The following RET variants were observed in gnomAD, a reference collection of about 807,000 sequenced individuals.
The protein encoded by RET is ret proto-oncogene, also known as proto-oncogene tyrosine-protein kinase receptor Ret.
Under a neutral mutation model 118.3 loss-of-function variants are expected in RET, and 19 were observed. That is an observed-to-expected ratio of 0.16 (90% confidence interval 0.11 to 0.24). The LOEUF is 0.24. Among genes scored for constraint, RET ranks in the 10% least tolerant of loss-of-function variants. The pLI, the probability that RET is intolerant of heterozygous loss-of-function variation, is 1.00. For missense variants in RET, 1,219 were observed against 1,502.1 expected (o/e 0.81, Z 3.12); for synonymous variants, 597 against 644.1 (o/e 0.93, Z 1.11).
intron 1 of RET, among the ~76,000 whole-genome samples, chr10:43,083,504 C>T (rs72781219): frequency 1.3e-5 from 2 of 152,344 alleles, no homozygotes; most frequent in Non-Finnish European, 2.9e-5. Flanking sequence ...CACAGAGCTT[C>T]AAGAAGCCTG....
rs2742241 is a variant in RET at position 43,129,775 on chromosome 10, G to A, written c.*1506G>A. ...TTGGATGCGTGTGTAATAGAGCCTT[G>A]TGGTGTGTGCGCACACACCCAGAGG... On this transcript the variant is annotated 3_prime_UTR_variant, in exon 20 of 20. Coordinates refer to ENST00000355710, the MANE Select transcript of RET (RefSeq NM_020975.6). 0.8 allele frequency: 311,976 copies of A among 391,438 alleles called. 126,329 individuals carry two copies. The highest frequency in any genetic ancestry group is 0.9 in the African/African-American group (43,707 of 48,590). The allele number at this position is 391,438 out of a possible 1,614,324, so 24.2% of individuals were successfully genotyped here.
intron 1 of RET, among the ~76,000 whole-genome samples, chr10:43,088,034 T>G (rs1021791318): frequency 6.6e-6 from 1 of 151,172 alleles, no homozygotes; most frequent in African/African-American, 2.4e-5. Flanking sequence ...TGATAGTGAG[T>G]GGTGGTTGTG....
chr10:43,105,983 G>A lies in RET; in HGVS notation c.868-393G>A, dbSNP rs549687718. The stretch of plus-strand genomic sequence containing the variant: ...CCTGGCCTCGGAGCTCGGCTCTGCC[G>A]GCTGTTCCTGTGTGACCTTGACCTG... On this transcript the variant is annotated intron_variant, in intron 4 of 19. Transcript: ENST00000355710. Among the ~76,000 whole-genome samples the A allele has an allele frequency of 6.6e-5, 10 of 152,288 alleles. No individual in the cohort carries two copies. In the South Asian group the frequency reaches 2.1e-3, roughly 32 times the overall value.
chr10:43,103,665 T>G (rs115124871), intron 3 of RET, among the ~76,000 whole-genome samples: 117 of 152,300 alleles, frequency 7.7e-4, no homozygotes, highest in African/African-American at 2.7e-3. Context: ...TCACTTATGC[T>G]TCCCCAGATT....
intron 19 of RET, among the ~76,000 whole-genome samples, 158 bp from the exon 20 acceptor site, chr10:43,127,952 CAG>C (rs1438657636): frequency 1.1e-4 from 16 of 152,302 alleles, no homozygotes; most frequent in Middle Eastern, 3.4e-3. Context: ...CTAACTATAA[CAG>C]TGTTTTTGGA....
At chr10:43,098,558 A>T (rs1016614012) in intron 1 of RET, among the ~76,000 whole-genome samples, 2 of 151,860 alleles carry the variant, frequency 1.3e-5, no homozygotes, top group African/African-American at 2.4e-5. Flanking sequence ...AGTAGCTGAG[A>T]TTATAGGCGC....
Position 43,086,520 on chromosome 10 carries a change from C to A in RET, c.73+9189C>A, listed in dbSNP as rs73266197. Among the ~76,000 whole-genome samples, 3,013 of 152,272 alleles carry A rather than the reference C, an allele frequency of 0.02. 105 individuals carry two copies. The highest frequency in any genetic ancestry group is 0.068 in the African/African-American group (2,818 of 41,530). ...AAAGCCAGTGGTGATGCCCTGGCCC[C>A]GTTGCCCCAGGCCAGGGCCAGTGAA... On this transcript the variant is annotated intron_variant, in intron 1 of 19. Coordinates refer to ENST00000355710, the MANE Select transcript of RET (RefSeq NM_020975.6).
chr10:43,078,861 A>C (rs1027781724), intron 1 of RET, among the ~76,000 whole-genome samples: 6 of 152,190 alleles, frequency 3.9e-5, no homozygotes, highest in Admixed American at 1.3e-4. Context: ...AGAGATGGTG[A>C]GCCCCTAGCC....
At chr10:43,117,824 G>T (rs1364087631) in intron 12 of RET, among the ~76,000 whole-genome samples, 1 of 152,198 alleles carries the variant, frequency 6.6e-6, no homozygotes, top group Non-Finnish European at 1.5e-5. Flanking sequence ...GCTAATGTGG[G>T]TCTTCTTGGT....
chr10:43,120,039 G>A (rs2132957032), intron 14 of RET, 42 bp from the exon 15 acceptor site: 1 of 1,610,612 alleles, frequency 6.2e-7, no homozygotes, highest in South Asian at 1.1e-5. Context: ...GACCGCTGCT[G>A]CCTGGCCATG....
chr10:43,100,943 C>G (rs1041720270), intron 2 of RET, among the ~76,000 whole-genome samples: 5 of 152,220 alleles, frequency 3.3e-5, no homozygotes, highest in African/African-American at 1.2e-4. Flanking sequence ...TTTGGAGACA[C>G]ACGGGAATCA....
rs1837769500 is a variant in RET at position 43,106,139 on chromosome 10, C to G, written c.868-237C>G. On this transcript the variant is annotated intron_variant, in intron 4 of 19. Transcript: ENST00000355710. This position sits in a 1 kb window ranked among gnomAD's most constrained non-coding sequence, Gnocchi z 5.1. ...TGTAATTCTCCTTATAAGAGGTCTGCATTGTACCTGTTACACAGGCGAGGC... is the reference window on the plus strand; with the variant it reads ...TGTAATTCTCCTTATAAGAGGTCTGGATTGTACCTGTTACACAGGCGAGGC... 6.6e-6 allele frequency among the ~76,000 whole-genome samples: 1 copy of G among 152,196 alleles called. No homozygotes were observed. The highest frequency in any genetic ancestry group is 1.5e-5 in the Non-Finnish European group (1 of 68,038).
chr10:43,077,223 C>T lies in RET; in HGVS notation c.-36C>T. On this transcript the variant is annotated 5_prime_UTR_variant, in exon 1 of 20. Transcript: ENST00000355710. ...CATCCAGACCCGCCGGCCCTAGCCG[C>T]AGTCCCTCCAGCCGTGGCCCCAGCG... 2.7e-6 allele frequency: 4 copies of T among 1,475,970 alleles called. No homozygotes were observed. The highest frequency in any genetic ancestry group is 3.6e-6 in the Non-Finnish European group (4 of 1,116,774). 91.4% of individuals were successfully genotyped at this position (1,475,970 alleles called of 1,614,324 possible). A position where few individuals can be genotyped will look rare whatever the true frequency, so the allele number is the denominator to read the frequency against.
intron 5 of RET, among the ~76,000 whole-genome samples, chr10:43,108,657 C>T (rs768842823): frequency 1.2e-4 from 18 of 152,070 alleles, no homozygotes; most frequent in Admixed American, 2.6e-4. Flanking sequence ...CACAAACACC[C>T]CATACACACA....
intron 2 of RET, among the ~76,000 whole-genome samples, chr10:43,101,573 C>T (rs1837643646): frequency 6.6e-6 from 1 of 152,206 alleles, no homozygotes; most frequent in East Asian, 1.9e-4. Flanking sequence ...CCCTCTTCAT[C>T]CTGAGCCTCC....
rs2132841596 is a variant in RET, at chr10:43,114,426, C to T, written c.1880-54C>T. ...GAGGCAGAGCATACGCAGCCTGTAC[C>T]CAGTGGTGCCGAGCCTCTGGCGGTG... On this transcript the variant is annotated intron_variant, in intron 10 of 19. Coordinates refer to ENST00000355710, the MANE Select transcript of RET (RefSeq NM_020975.6). The surrounding 1 kb of genome is among the most constrained non-coding windows in gnomAD (Gnocchi z 4.6). The T allele has an allele frequency of 6.3e-7, 1 of 1,599,906 alleles. No individual in the cohort carries two copies. Among genetic ancestry groups the T allele is most frequent in the Non-Finnish European group, 8.5e-7 (1 of 1,179,226 alleles).
chr10:43,105,190 G>A lies in RET; in HGVS notation c.864G>A (p.Lys288=), dbSNP rs1227666582. The change falls in exon 4 of 20, where the codon AAG becomes AAA. Residue 288 remains lysine, a synonymous_variant. Transcript: ENST00000355710. ...TASAVVEFKR[K]EDTVVATLRV... ...GCGCCGTGGTGGAGTTCAAGCGGAA[G>A]GAGGTGCTTGTCCGCGCGTGCTGTG... 1 of 1,612,720 alleles carries A rather than the reference G, an allele frequency of 6.2e-7. No individual in the cohort carries two copies. The highest frequency in any genetic ancestry group is 8.5e-7 in the Non-Finnish European group (1 of 1,179,928).
At position 43,123,663 on chromosome 10, in the gene RET, C is replaced by T; in HGVS notation, c.2802-8C>T. 6.2e-7 allele frequency: 1 copy of T among 1,614,118 alleles called. No individual in the cohort carries two copies. The highest frequency in any genetic ancestry group is 8.5e-7 in the Non-Finnish European group (1 of 1,180,006). On this transcript the variant is annotated splice_region_variant and splice_polypyrimidine_tract_variant and intron_variant, in intron 16 of 19. Coordinates refer to ENST00000355710, the MANE Select transcript of RET (RefSeq NM_020975.6). ...GGAGCCACTCACTGGTCCTTTCACTCTCTGCAGATGGTCTTTTGGTGTCCT... is the reference window on the plus strand; with the variant it reads ...GGAGCCACTCACTGGTCCTTTCACTTTCTGCAGATGGTCTTTTGGTGTCCT...
In RET at chr10:43,114,554, C is replaced by T. The variant is rs2132847217; in HGVS notation, c.1954C>T (p.Leu652=). 6.2e-7 allele frequency: 1 copy of T among 1,611,546 alleles called. No homozygotes were observed. The highest frequency in any genetic ancestry group is 8.5e-7 in the Non-Finnish European group (1 of 1,180,006). ...VLFSFIVSVL[L]SAFCIHCYHK... ...CTTCTCCTTCATCGTCTCGGTGCTGCTGTCTGCCTTCTGCATCCACTGCTA... is the reference window on the plus strand; with the variant it reads ...CTTCTCCTTCATCGTCTCGGTGCTGTTGTCTGCCTTCTGCATCCACTGCTA... Residue 652 remains leucine (L), a synonymous_variant, in exon 11 of 20, where the codon CTG becomes TTG. Coordinates refer to ENST00000355710, the MANE Select transcript of RET (RefSeq NM_020975.6). The surrounding 1 kb of genome is among the most constrained non-coding windows in gnomAD (Gnocchi z 4.6).
Sources: allele counts gnomAD v4.1 joint callset (sites outside exome capture counted in the v4.1 genomes callset), GRCh38; gene constraint gnomAD v4.1.1; non-coding constraint Gnocchi (gnomAD v3.1); transcripts MANE v1.5; gene names NCBI Gene and HGNC (gene_info 2026-07-23, HGNC 2026-07-21).